Variants in EIF4ENIF1 observed in about 807,000 individuals in gnomAD.
EIF4ENIF1 encodes the protein eukaryotic translation initiation factor 4E nuclear import factor 1.
EIF4ENIF1 carries 23 observed loss-of-function variants against 110.5 expected under a neutral mutation model. That is an observed-to-expected ratio of 0.21 (90% CI 0.15 to 0.29). EIF4ENIF1 has a LOEUF of 0.29. Among genes scored for constraint, EIF4ENIF1 ranks in the 10% least tolerant of loss-of-function variants. The pLI is 1.00. For synonymous variants in EIF4ENIF1, 440 were observed against 437.0 expected (o/e 1.01, Z -0.09); for missense variants, 1,031 against 1,221.1 (o/e 0.84, Z 2.32).
intron 7 of EIF4ENIF1, among the ~76,000 whole-genome samples, chr22:31,456,253 T>TCG (rs1296890432): frequency 1.4e-5 from 2 of 148,144 alleles, no homozygotes; most frequent in African/African-American, 5.0e-5. Context: ...AGACAGAGTC[T>TCG]CGCTCTGTCA....
intron 4 of EIF4ENIF1, chr22:31,464,296 T>C (rs1358543305): frequency 2.5e-5 from 6 of 241,934 alleles, no homozygotes; most frequent in South Asian, 8.1e-5. Context: ...GCAGGCGTAT[T>C]TGAAAAAATA....
intron 2 of EIF4ENIF1, among the ~76,000 whole-genome samples, chr22:31,477,746 A>G (rs944951166): frequency 1.3e-5 from 2 of 151,770 alleles, no homozygotes; most frequent in Non-Finnish European, 2.9e-5. Flanking sequence ...TCACCTGTCC[A>G]TAGAGGATAA....
In EIF4ENIF1 at chr22:31,459,008, G is replaced by A. The variant is rs898008313; in HGVS notation, c.788-358C>T. Among the ~76,000 whole-genome samples, 7 of 145,944 alleles carry A rather than the reference G, an allele frequency of 4.8e-5. No individual in the cohort carries two copies. In the South Asian group the frequency reaches 1.6e-3, roughly 34 times the overall value. On this transcript the variant is annotated intron_variant, in intron 6 of 18. Transcript: ENST00000330125. ...AGTGGCACGATCACAGCTCACTGTA[G>A]TCTCTACCTCCTGGGCTCAGGTGAT...
chr22:31,444,788 C>T (rs527497003), intron 14 of EIF4ENIF1, 98 bp from the exon 15 acceptor site: 2 of 1,111,182 alleles, frequency 1.8e-6, no homozygotes, highest in East Asian at 4.8e-5. Flanking sequence ...TTTTAACATC[C>T]CCTTTCCCTT....
chr22:31,453,333 T>C, intron 10 of EIF4ENIF1: 1 of 373,850 alleles, frequency 2.7e-6, no homozygotes, highest in Non-Finnish European at 5.3e-6. Context: ...CTTTTTCCAT[T>C]AGTAAATTGA....
chr22:31,447,710 C>A, intron 13 of EIF4ENIF1, 145 bp from the exon 14 acceptor site: 2 of 849,932 alleles, frequency 2.4e-6, no homozygotes, highest in Non-Finnish European at 3.5e-6. Flanking sequence ...GTGCTGCCAT[C>A]GCAGTGAACA....
chr22:31,470,708 A>G (rs1328462284), intron 3 of EIF4ENIF1, among the ~76,000 whole-genome samples: 1 of 127,124 alleles, frequency 7.9e-6, no homozygotes, highest in Admixed American at 8.7e-5. Flanking sequence ...TTTTTTTGAG[A>G]TAGGATCTCT....
intron 2 of EIF4ENIF1, among the ~76,000 whole-genome samples, chr22:31,481,366 T>G (rs1356289349): frequency 1.3e-5 from 2 of 151,864 alleles, no homozygotes; most frequent in Non-Finnish European, 2.9e-5. Context: ...CTCACTATAT[T>G]GCCCAGTCTG....
intron 10 of EIF4ENIF1, among the ~76,000 whole-genome samples, chr22:31,452,109 ATAATT>A (rs1259523231): frequency 2.0e-5 from 3 of 152,252 alleles, no homozygotes; most frequent in African/African-American, 7.2e-5. Flanking sequence ...GATAGAATCT[ATAATT>A]TAAAACAGAA....
upstream of EIF4ENIF1, among the ~76,000 whole-genome samples, chr22:31,492,295 G>T (rs559757596): frequency 6.6e-6 from 1 of 152,180 alleles, no homozygotes; most frequent in Non-Finnish European, 1.5e-5. Flanking sequence ...GAGTCAGCAC[G>T]GCTACCCTAT....
chr22:31,466,690 T>C (rs374696125), intron 4 of EIF4ENIF1, among the ~76,000 whole-genome samples: 1 of 151,228 alleles, frequency 6.6e-6, no homozygotes, highest in Non-Finnish European at 1.5e-5. Context: ...TAGGGAACTT[T>C]TGGGGGTGAT....
At position 31,458,476 on chromosome 22, in the gene EIF4ENIF1, G is replaced by A. The variant is rs767295081; in HGVS notation, c.962C>T (p.Ser321Leu). 1.3e-6 allele frequency: 2 copies of A among 1,584,900 alleles called. No individual in the cohort carries two copies. Among genetic ancestry groups the A allele is most frequent in the Non-Finnish European group, 1.7e-6 (2 of 1,160,138 alleles). ...TTTTAAGTGTGCTGCTACACTCACC[G>A]AAGCCAAGCATGGCACCTTATCAAG... is the stretch of plus-strand genomic sequence containing the variant. ...FNLDKVPCLASMIEDVLGEGS... is the reference protein window; with the variant it reads ...FNLDKVPCLALMIEDVLGEGS... Residue 321 changes from serine (S) to leucine (L), a missense_variant and splice_region_variant, in exon 7 of 19, where the codon TCG becomes TTG. Coordinates refer to ENST00000330125, the MANE Select transcript of EIF4ENIF1 (RefSeq NM_019843.4).
At position 31,463,985 on chromosome 22, in the gene EIF4ENIF1, A is replaced by C. The variant is rs760500639; in HGVS notation, c.299-18T>G. ...TCGTGGATCTGGAAGGACGTGGGAA[A>C]GACAAAGTTAAACAAACCAACAAGG... On this transcript the variant is annotated intron_variant, in intron 4 of 18. Transcript: ENST00000330125. The C allele has an allele frequency of 1.6e-5, 25 of 1,602,672 alleles. No homozygotes were observed. Among genetic ancestry groups the C allele is most frequent in the Non-Finnish European group, 2.0e-5 (24 of 1,176,390 alleles).
chr22:31,482,722 C>A (rs1241216309), intron 2 of EIF4ENIF1, among the ~76,000 whole-genome samples: 1 of 149,952 alleles, frequency 6.7e-6, no homozygotes, highest in Non-Finnish European at 1.5e-5. Context: ...ATTCACTTGA[C>A]GAAAATAACA....
rs571044772 is a variant in EIF4ENIF1, at chr22:31,441,133, T to A, written c.2552-265A>T. ...AGCCAGGTGTAGTGGCAGGCGCCTG[T>A]AATCCCAGCTACTCGGAAGGCTGAG... On this transcript the variant is annotated intron_variant, in intron 17 of 18. Coordinates refer to ENST00000330125, the MANE Select transcript of EIF4ENIF1 (RefSeq NM_019843.4). Among the ~76,000 whole-genome samples, 13 of 152,290 alleles carry A rather than the reference T, an allele frequency of 8.5e-5. No homozygotes were observed. In the East Asian group the frequency reaches 2.5e-3, roughly 29 times the overall value.
In EIF4ENIF1 at chr22:31,449,640, C is replaced by T. The variant is rs995435012; in HGVS notation, c.1585-109G>A. 9.6e-6 allele frequency: 9 copies of T among 939,960 alleles called. No homozygotes were observed. The African/African-American group carries it at 1.3e-4, about 14-fold the overall frequency. The allele number at this position is 939,960 out of a possible 1,614,324, so 58.2% of individuals were successfully genotyped here. ...CCACAAGATGGATCTCCCTCATGCT[C>T]AACTGAAGGACTTGGCATGTGTACA... On this transcript the variant is annotated intron_variant, in intron 11 of 18. Coordinates refer to ENST00000330125, the MANE Select transcript of EIF4ENIF1 (RefSeq NM_019843.4).
chr22:31,484,906 C>T (rs2051961919), intron 2 of EIF4ENIF1, among the ~76,000 whole-genome samples: 1 of 152,186 alleles, frequency 6.6e-6, no homozygotes, highest in African/African-American at 2.4e-5. Flanking sequence ...GTGGCAGAAA[C>T]ATCATTAAAG....
chr22:31,454,280 G>A lies in EIF4ENIF1; in HGVS notation c.1376C>T (p.Ala459Val). 1 of 1,614,084 alleles carries A rather than the reference G, an allele frequency of 6.2e-7. No homozygotes were observed. The highest frequency in any genetic ancestry group is 1.1e-5 in the South Asian group (1 of 91,084). Residue 459 changes from alanine to valine, a missense_variant, in exon 10 of 19, where the codon GCA becomes GTA. This residue lies in a region of EIF4ENIF1 where 704 missense variants were observed against 879.7 expected (regional missense o/e 0.80). Transcript: ENST00000330125. Reference protein sequence around the residue: ...QQVKNSTPFMAEHLEETLSAV... With the variant: ...QQVKNSTPFMVEHLEETLSAV... Reference sequence around the variant, plus strand: ...ACTCAAGGTCTCTTCTAGGTGTTCTGCCATGAAGGGAGTTGAATTCTTCAC... The same window carrying A: ...ACTCAAGGTCTCTTCTAGGTGTTCTACCATGAAGGGAGTTGAATTCTTCAC...
At chr22:31,464,122 C>T (rs1275145536) in intron 4 of EIF4ENIF1, 155 bp from the exon 5 acceptor site, 11 of 863,396 alleles carry the variant, frequency 1.3e-5, no homozygotes, top group Admixed American at 1.2e-4. Flanking sequence ...GTAACATGTA[C>T]ATTATGTATT....
Sources: gnomAD v4.1 joint callset for allele counts (sites outside exome capture counted in the v4.1 genomes callset) on GRCh38, gnomAD v4.1.1 for gene constraint, gnomAD v4.1.1 regional missense constraint, MANE v1.5 for transcripts, NCBI Gene and HGNC (gene_info 2026-07-23, HGNC 2026-07-21) for gene names.